The following HAS2 variants were observed in gnomAD, a reference collection of about 807,000 sequenced individuals.
The protein encoded by HAS2 is hyaluronan synthase 2.
HAS2 carries 16 observed loss-of-function variants against 51.6 expected under a neutral mutation model. The ratio of observed to expected loss-of-function variants is 0.31; its 90% CI spans 0.21 to 0.47. HAS2 has a LOEUF of 0.47. Ranked by LOEUF, HAS2 falls within the 20% of genes least tolerant of loss-of-function variation. The pLI, the probability that HAS2 is intolerant of heterozygous loss-of-function variation, is 1.00. For synonymous variants in HAS2, 228 were observed against 235.5 expected (o/e 0.97, Z 0.29); for missense variants, 361 against 662.6 (o/e 0.54, Z 5.00).
In HAS2 at chr8:121,612,431, A is replaced by C. The variant is rs10505409; in HGVS notation, c.*1678T>G. 2 of 152,142 alleles carry C rather than the reference A, an allele frequency of 1.3e-5. No homozygotes were observed. Among genetic ancestry groups the C allele is most frequent in the Non-Finnish European group, 2.9e-5 (2 of 68,032 alleles). 9.4% of individuals were successfully genotyped at this position (152,142 alleles called of 1,614,324 possible). On this transcript the variant is annotated 3_prime_UTR_variant, in exon 4 of 4. Transcript: ENST00000303924. Reference sequence around the variant, plus strand: ...GATGTGCAGCTTTTTCTTAGGCAGGATAGATGTAACATAGATGACTGCATA... The same window carrying C: ...GATGTGCAGCTTTTTCTTAGGCAGGCTAGATGTAACATAGATGACTGCATA...
At chr8:121,623,048 T>C (rs1326554203) in intron 2 of HAS2, among the ~76,000 whole-genome samples, 2 of 152,122 alleles carry the variant, frequency 1.3e-5, no homozygotes, top group Non-Finnish European at 2.9e-5. Flanking sequence ...ATTTGGTTTA[T>C]GGTACAGGAT....
intron 2 of HAS2, among the ~76,000 whole-genome samples, chr8:121,628,242 C>G (rs1402777183): frequency 6.6e-6 from 1 of 151,792 alleles, no homozygotes; most frequent in East Asian, 1.9e-4. Flanking sequence ...ATTGTTCTCA[C>G]CACCCTCATT....
chr8:121,615,053 A>G lies in HAS2; in HGVS notation c.730-15T>C, dbSNP rs769937445. On this transcript the variant is annotated splice_polypyrimidine_tract_variant and intron_variant, in intron 3 of 3. Coordinates refer to ENST00000303924, the MANE Select transcript of HAS2 (RefSeq NM_005328.3). ...TTGTTTAAAATCTGCAAGAAGAAAA[A>G]CATAAGTAATAGGTAAGCTTTAGCT... The G allele has an allele frequency of 3.8e-6, 6 of 1,578,136 alleles. No homozygotes were observed. The Admixed American group carries it at 9.0e-5, about 24-fold the overall frequency.
chr8:121,634,220 G>C (rs552060620), intron 1 of HAS2, among the ~76,000 whole-genome samples: 2 of 152,194 alleles, frequency 1.3e-5, no homozygotes, highest in East Asian at 1.9e-4. Flanking sequence ...TGGGATTATA[G>C]GTGTGTGCTA....
chr8:121,635,576 T>C (rs540921039), intron 1 of HAS2, among the ~76,000 whole-genome samples: 43 of 152,190 alleles, frequency 2.8e-4, no homozygotes, highest in Non-Finnish European at 5.9e-4. Context: ...GACAAACCGC[T>C]TGAGGGTTCT....
rs373832702 is a variant in HAS2, at chr8:121,637,792, A to G, written c.-1+3061T>C. Reference sequence around the variant, plus strand: ...GGGGTGATGGAAATGAGTTCTCTACAGGTAGCTGTCCCTCCACTCTGTTGG... The same window carrying G: ...GGGGTGATGGAAATGAGTTCTCTACGGGTAGCTGTCCCTCCACTCTGTTGG... On this transcript the variant is annotated intron_variant, in intron 1 of 3. Transcript: ENST00000303924. Among the ~76,000 whole-genome samples, 7 of 152,204 alleles carry G rather than the reference A, an allele frequency of 4.6e-5. No individual in the cohort carries two copies. The East Asian group carries it at 1.3e-3, about 29-fold the overall frequency.
intron 1 of HAS2, among the ~76,000 whole-genome samples, chr8:121,630,181 GT>G (rs1237870605): frequency 6.6e-6 from 1 of 151,932 alleles, no homozygotes; most frequent in Non-Finnish European, 1.5e-5. Flanking sequence ...CTGGAACACA[GT>G]AAACACAATA....
At chr8:121,628,013 G>A (rs1812876869) in intron 2 of HAS2, among the ~76,000 whole-genome samples, 1 of 152,136 alleles carries the variant, frequency 6.6e-6, no homozygotes, top group African/African-American at 2.4e-5. Context: ...CCTATAGTGA[G>A]CTTTCAGGAA....
chr8:121,631,069 T>C (rs1812923557), intron 1 of HAS2, among the ~76,000 whole-genome samples: 1 of 152,108 alleles, frequency 6.6e-6, no homozygotes, highest in Non-Finnish European at 1.5e-5. Context: ...AGAATATACC[T>C]CCTCTCATCT....
intron 1 of HAS2, among the ~76,000 whole-genome samples, chr8:121,637,360 G>A (rs1025952619): frequency 6.7e-6 from 1 of 149,240 alleles, no homozygotes; most frequent in African/African-American, 2.5e-5. Flanking sequence ...GTATATATAT[G>A]AACTCCACAT....
chr8:121,638,749 C>G (rs1378853456), intron 1 of HAS2, among the ~76,000 whole-genome samples: 1 of 152,082 alleles, frequency 6.6e-6, no homozygotes, highest in East Asian at 1.9e-4. Flanking sequence ...AATACAGTAC[C>G]TCAGCTGTAC....
intron 2 of HAS2, among the ~76,000 whole-genome samples, 173 bp downstream of exon 2, chr8:121,628,540 GT>G (rs1030236357): frequency 1.3e-5 from 2 of 151,230 alleles, no homozygotes; most frequent in African/African-American, 2.4e-5. Flanking sequence ...AGTTTTACAA[GT>G]TTTTTTTTCC....
chr8:121,622,738 T>A (rs1812789323), intron 2 of HAS2, among the ~76,000 whole-genome samples: 1 of 151,954 alleles, frequency 6.6e-6, no homozygotes, highest in African/African-American at 2.4e-5. Context: ...ATTAATAATA[T>A]TACAACAAAC....
intron 3 of HAS2, among the ~76,000 whole-genome samples, chr8:121,616,167 T>C (rs1355443948): frequency 1.3e-5 from 2 of 152,208 alleles, no homozygotes; most frequent in Non-Finnish European, 2.9e-5. Flanking sequence ...ATATACATTT[T>C]TCCATCCCAC....
At position 121,614,230 on chromosome 8, in the gene HAS2, A is replaced by G. The variant is rs756336783; in HGVS notation, c.1538T>C (p.Ile513Thr). The G allele has an allele frequency of 1.3e-5, 21 of 1,614,164 alleles. No individual in the cohort carries two copies. The highest frequency in any genetic ancestry group is 6.7e-5 in the East Asian group (3 of 44,870). The part of the protein sequence containing the change: ...PFSESKQTVL[I>T]VGTLLYACYW... ...GCATGCATAGAGCAACGTTCCAACAATTAGAACTGTCTGTTTGGATTCTGA... is the reference window on the plus strand; with the variant it reads ...GCATGCATAGAGCAACGTTCCAACAGTTAGAACTGTCTGTTTGGATTCTGA... Residue 513 changes from isoleucine to threonine, a missense_variant, in exon 4 of 4, where the codon ATT becomes ACT. Physicochemically the swap from Ile to Thr is moderately conservative, Grantham distance 89. This residue lies in a region of HAS2 where 61 missense variants were observed against 73.1 expected (regional missense o/e 0.84). Coordinates refer to ENST00000303924, the MANE Select transcript of HAS2 (RefSeq NM_005328.3). This position sits in a 1 kb window ranked among gnomAD's most constrained non-coding sequence, Gnocchi z 7.2.
chr8:121,629,426 C>G, intron 1 of HAS2, 86 bp from the exon 2 acceptor site: 1 of 1,071,936 alleles, frequency 9.3e-7, no homozygotes, highest in Non-Finnish European at 1.4e-6. Context: ...GAGTATTGGA[C>G]TAGAAGCATT....
chr8:121,636,206 A>AT (rs890436771), intron 1 of HAS2, among the ~76,000 whole-genome samples: 32 of 152,304 alleles, frequency 2.1e-4, no homozygotes, highest in African/African-American at 7.7e-4. Context: ...TTAAAGTAAA[A>AT]TAAGACTTTC....
At chr8:121,635,145 C>G (rs933495582) in intron 1 of HAS2, among the ~76,000 whole-genome samples, 1 of 152,076 alleles carries the variant, frequency 6.6e-6, no homozygotes, top group Non-Finnish European at 1.5e-5. Flanking sequence ...GTTCAAATCC[C>G]AGCTCTGCCA....
rs1394305829 is a variant in HAS2, at chr8:121,614,421, G to A, written c.1347C>T (p.Pro449=). The change falls in exon 4 of 4, where the codon CCC becomes CCT. Residue 449 remains proline, a synonymous_variant. Transcript: ENST00000303924. The surrounding 1 kb of genome is among the most constrained non-coding windows in gnomAD (Gnocchi z 7.2). ...YSVLYMSSLL[P]AKMFAIATIN... is the part of the protein sequence containing the mutation. Reference sequence around the variant, plus strand: ...TTGTTGCAATTGCAAACATCTTGGCGGGAAGTAAACTCGACATGTATAACA... The same window carrying A: ...TTGTTGCAATTGCAAACATCTTGGCAGGAAGTAAACTCGACATGTATAACA... The A allele has an allele frequency of 5.0e-6, 8 of 1,613,978 alleles. No individual in the cohort carries two copies. The highest frequency in any genetic ancestry group is 2.7e-5 in the African/African-American group (2 of 74,908).
Sources: gnomAD v4.1 joint callset for allele counts (sites outside exome capture counted in the v4.1 genomes callset) on GRCh38, gnomAD v4.1.1 for gene constraint, gnomAD v4.1.1 regional missense constraint, Gnocchi (gnomAD v3.1) non-coding constraint, MANE v1.5 for transcripts, NCBI Gene and HGNC (gene_info 2026-07-23, HGNC 2026-07-21) for gene names.